Variants in PREX2 observed in about 807,000 individuals in gnomAD.
PREX2 encodes the protein phosphatidylinositol-3,4,5-trisphosphate dependent Rac exchange factor 2.
PREX2 carries 107 observed loss-of-function variants against 203.2 expected under a neutral mutation model. The observed-to-expected ratio is 0.53, with a 90% CI of 0.45 to 0.62. The LOEUF (loss-of-function observed/expected upper bound fraction) is 0.62, where lower values mean the gene tolerates loss of function less well. Ranked by LOEUF, PREX2 falls within the 20% of genes least tolerant of loss-of-function variation. The pLI, the probability that PREX2 is intolerant of heterozygous loss-of-function variation, is 0.00. For synonymous variants in PREX2, 672 were observed against 663.6 expected (o/e 1.01, Z -0.19); for missense variants, 1,777 against 1,955.9 (o/e 0.91, Z 1.72).
At chr8:68,076,685 T>TCACACA (rs57701553) in intron 14 of PREX2, among the ~76,000 whole-genome samples, 7,154 of 143,598 alleles carry the variant, frequency 0.05, 208 homozygotes, top group East Asian at 0.087. Context: ...AACTCTAAGG[T>TCACACA]CACACACACA....
At chr8:67,960,774 C>G (rs1456006664) in intron 1 of PREX2, among the ~76,000 whole-genome samples, 1 of 151,876 alleles carries the variant, frequency 6.6e-6, no homozygotes, top group Non-Finnish European at 1.5e-5. Flanking sequence ...GAGGGCAGTG[C>G]CCTGAAGAGA....
chr8:68,019,438 G>A, intron 2 of PREX2, 111 bp from the exon 3 acceptor site: 1 of 778,052 alleles, frequency 1.3e-6, no homozygotes. Flanking sequence ...GGCAAGGTGG[G>A]AGGAAGGCAT....
intron 6 of PREX2, among the ~76,000 whole-genome samples, chr8:68,035,721 C>T (rs904385555): frequency 8.5e-5 from 13 of 152,120 alleles, no homozygotes; most frequent in African/African-American, 3.1e-4. Context: ...TATTTAATTA[C>T]TCAAGGAAGA....
intron 37 of PREX2, among the ~76,000 whole-genome samples, chr8:68,213,817 T>C (rs1812785139): frequency 6.6e-6 from 1 of 152,226 alleles, no homozygotes; most frequent in Admixed American, 6.5e-5. Flanking sequence ...AGCAGAGCCA[T>C]TACTTGGAAT....
chr8:67,991,933 A>G (rs562087000), intron 1 of PREX2, among the ~76,000 whole-genome samples: 10 of 152,382 alleles, frequency 6.6e-5, no homozygotes, highest in African/African-American at 2.4e-4. Flanking sequence ...TTTTTAAATC[A>G]TAGAAGTCAT....
At chr8:68,157,813 C>T (rs1194091985) in intron 35 of PREX2, among the ~76,000 whole-genome samples, 1 of 151,792 alleles carries the variant, frequency 6.6e-6, no homozygotes, top group Non-Finnish European at 1.5e-5. Context: ...ATAGCTGGCA[C>T]CCCCACACAG....
At chr8:68,105,488 C>A (rs1384460380) in intron 23 of PREX2, 9 of 1,150,186 alleles carry the variant, frequency 7.8e-6, no homozygotes, top group Admixed American at 4.3e-5. Context: ...AAGCCAGTCC[C>A]CCTAGCAAGA....
At position 68,216,643 on chromosome 8, in the gene PREX2, A is replaced by G. The variant is rs369304531; in HGVS notation, c.4605-973A>G. 4.6e-5 allele frequency among the ~76,000 whole-genome samples: 7 copies of G among 152,098 alleles called. No individual in the cohort carries two copies. The East Asian group carries it at 7.7e-4, about 17-fold the overall frequency. On this transcript the variant is annotated intron_variant, in intron 37 of 39. Transcript: ENST00000288368. ...GCTTTCAGGGGTACTGTAGAGATCA[A>G]TGTGGAAGAACATAAAAGAATGCCT...
intron 1 of PREX2, among the ~76,000 whole-genome samples, chr8:67,990,592 C>T (rs1387355087): frequency 6.6e-6 from 1 of 151,628 alleles, no homozygotes; most frequent in Non-Finnish European, 1.5e-5. Flanking sequence ...TCACTGCAAC[C>T]TCCGCCTCCC....
intron 1 of PREX2, among the ~76,000 whole-genome samples, chr8:67,959,589 C>T (rs990810103): frequency 2.0e-5 from 3 of 152,152 alleles, no homozygotes; most frequent in African/African-American, 7.2e-5. Context: ...CCCCATGGCA[C>T]TGGGAGATAA....
chr8:68,019,613 A>G lies in PREX2; in HGVS notation c.278A>G (p.Glu93Gly). 6.2e-7 allele frequency: 1 copy of G among 1,613,158 alleles called. No homozygotes were observed. The highest frequency in any genetic ancestry group is 1.1e-5 in the South Asian group (1 of 91,056). ...AAAGAATTCTTAAAAGTCGTGGAAG[A>G]ATGCTTACACCCCGAACCTAATGCT... is the stretch of plus-strand genomic sequence containing the variant. ...VHKEFLKVVE[E>G]CLHPEPNAQQ... The change falls in exon 3 of 40, where the codon GAA becomes GGA. Residue 93 changes from glutamate to glycine, a missense_variant. By Grantham distance (98) the Glu-to-Gly change is moderately conservative (BLOSUM62 -2). Transcript: ENST00000288368.
rs750937795 is a variant in PREX2, at chr8:68,038,290, C to T, written c.837C>T (p.His279=). Residue 279 remains histidine, a splice_region_variant and synonymous_variant, in exon 7 of 40, where the codon CAC becomes CAT. Coordinates refer to ENST00000288368, the MANE Select transcript of PREX2 (RefSeq NM_024870.4). The part of the protein sequence containing the change: ...DNLLVYCKRK[H]RRLKNSKAST... ...TTTTGGTGTACTGCAAAAGAAAACA[C>T]AGGTAAGATCCTAAGCAGGACACAC... The T allele has an allele frequency of 3.1e-6, 5 of 1,613,490 alleles. No individual in the cohort carries two copies. The East Asian group carries it at 1.1e-4, about 36-fold the overall frequency.
At chr8:68,096,149 A>G (rs1810066091) in intron 21 of PREX2, among the ~76,000 whole-genome samples, 1 of 152,164 alleles carries the variant, frequency 6.6e-6, no homozygotes, top group Admixed American at 6.5e-5. Flanking sequence ...TCAGGACCTT[A>G]TTCTGAGGTT....
At chr8:68,047,493 A>G (rs1250321677) in intron 8 of PREX2, among the ~76,000 whole-genome samples, 3 of 85,236 alleles carry the variant, frequency 3.5e-5, no homozygotes, top group Non-Finnish European at 6.8e-5. Flanking sequence ...ATATATATAT[A>G]TATATATATA....
chr8:68,108,505 A>G (rs1810464428), intron 24 of PREX2, among the ~76,000 whole-genome samples, 174 bp downstream of exon 24: 1 of 152,216 alleles, frequency 6.6e-6, no homozygotes, highest in Non-Finnish European at 1.5e-5. Context: ...TGTATACTGA[A>G]TGAAAATGGA....
chr8:68,217,669 G>C lies in PREX2; in HGVS notation c.4658G>C (p.Gly1553Ala). ...EQAIILARSH[G>A]LPPRYIMQAT... ...GCCATCATTCTGGCCAGAAGCCACG[G>C]ACTGCCACCTCGTTACATCATGCAG... The change falls in exon 38 of 40, where the codon GGA becomes GCA. Residue 1553 changes from glycine (G) to alanine (A), a missense_variant. Physicochemically the swap from Gly to Ala is moderately conservative, Grantham distance 60. Coordinates refer to ENST00000288368, the MANE Select transcript of PREX2 (RefSeq NM_024870.4). 1 of 1,614,166 alleles carries C rather than the reference G, an allele frequency of 6.2e-7. No individual in the cohort carries two copies. Among genetic ancestry groups the C allele is most frequent in the Non-Finnish European group, 8.5e-7 (1 of 1,180,000 alleles).
chr8:68,056,680 G>A (rs1364972601), intron 10 of PREX2, among the ~76,000 whole-genome samples: 2 of 152,266 alleles, frequency 1.3e-5, no homozygotes, highest in East Asian at 3.9e-4. Flanking sequence ...TACATACTTA[G>A]GTAGGAGTTA....
intron 1 of PREX2, among the ~76,000 whole-genome samples, chr8:68,003,414 G>T (rs939429019): frequency 6.6e-6 from 1 of 152,118 alleles, no homozygotes; most frequent in African/African-American, 2.4e-5. Flanking sequence ...GGAGGTTAAG[G>T]GTCTGGGGCC....
intron 8 of PREX2, among the ~76,000 whole-genome samples, chr8:68,052,672 G>A (rs1445282246): frequency 2.6e-5 from 4 of 152,110 alleles, no homozygotes; most frequent in African/African-American, 9.7e-5. Context: ...ATTTTTCCAT[G>A]GGGCATAGAC....
Sources: gnomAD v4.1 joint callset for allele counts (sites outside exome capture counted in the v4.1 genomes callset) on GRCh38, gnomAD v4.1.1 for gene constraint, MANE v1.5 for transcripts, NCBI Gene and HGNC (gene_info 2026-07-23, HGNC 2026-07-21) for gene names.